The following SLC11A2 variants were observed in gnomAD, a reference collection of about 807,000 sequenced individuals.
SLC11A2 encodes the protein natural resistance-associated macrophage protein 2.
A neutral mutation model predicts 68.0 loss-of-function variants in SLC11A2; 38 were observed. The observed-to-expected ratio is 0.56, with a 90% CI of 0.43 to 0.73. The LOEUF (loss-of-function observed/expected upper bound fraction) is 0.73. Ranked by LOEUF, SLC11A2 falls within the 30% of genes least tolerant of loss-of-function variation. The pLI, the probability that SLC11A2 is intolerant of heterozygous loss-of-function variation, is 0.00. For synonymous variants in SLC11A2, 242 were observed against 250.6 expected (o/e 0.97, Z 0.32); for missense variants, 517 against 690.5 (o/e 0.75, Z 2.82).
Position 50,995,655 on chromosome 12 carries a change from A to G in SLC11A2, c.964T>C (p.Phe322Leu). The change falls in exon 10 of 16, where the codon TTT becomes CTT. Residue 322 changes from phenylalanine (F) to leucine (L), a missense_variant. By Grantham distance (22) the Phe-to-Leu change is conservative (BLOSUM62 0). Transcript: ENST00000262052. Reference sequence around the variant, plus strand: ...ACCTGCTCGTTGGTTTTCCCAAAAAATGCTTCAGCAAAGACTGAGACAACA... The same window carrying G: ...ACCTGCTCGTTGGTTTTCCCAAAAAGTGCTTCAGCAAAGACTGAGACAACA... ...VFVVSVFAEAFFGKTNEQVVE... is the reference protein window; with the variant it reads ...VFVVSVFAEALFGKTNEQVVE... The G allele has an allele frequency of 2.5e-6, 4 of 1,614,204 alleles. No homozygotes were observed. The highest frequency in any genetic ancestry group is 3.4e-6 in the Non-Finnish European group (4 of 1,180,026).
Position 50,986,590 on chromosome 12 carries a change from G to A in SLC11A2, c.*1735C>T, listed in dbSNP as rs1940583768. ...ATAAAGAATTTTTTTTTTGTCGTCA[G>A]TTTGGCCTTTCCTACTGCAGCCAGG... On this transcript the variant is annotated 3_prime_UTR_variant, in exon 16 of 16. Transcript: ENST00000262052. 3.1e-6 allele frequency: 4 copies of A among 1,286,584 alleles called. No homozygotes were observed. Among genetic ancestry groups the A allele is most frequent in the Non-Finnish European group, 4.0e-6 (4 of 988,528 alleles). The allele number at this position is 1,286,584 out of a possible 1,614,324, so 79.7% of individuals were successfully genotyped here.
At chr12:50,999,150 T>C (rs1174900130) in intron 8 of SLC11A2, 24 bp downstream of exon 8, 1 of 1,550,486 alleles carries the variant, frequency 6.4e-7, no homozygotes, top group Non-Finnish European at 8.9e-7. Flanking sequence ...TTTAAGAAGC[T>C]AATGAATATC....
At chr12:51,025,798 C>A in intron 1 of SLC11A2, 1 of 986,576 alleles carries the variant, frequency 1.0e-6, no homozygotes, top group Non-Finnish European at 1.2e-6. Context: ...CGTATGCAGG[C>A]TATTCACACA....
At chr12:50,971,775 A>G in the SLC11A2 span, among the ~76,000 whole-genome samples, 1 of 152,238 alleles carries the variant, frequency 6.6e-6, no homozygotes, top group Non-Finnish European at 1.5e-5. Context: ...CCTTTTCCTC[A>G]GTGTTTCCTG....
At position 51,010,691 on chromosome 12, in the gene SLC11A2, T is replaced by C; in HGVS notation, c.34+4A>G. 1 of 1,526,318 alleles carries C rather than the reference T, an allele frequency of 6.6e-7. No individual in the cohort carries two copies. The highest frequency in any genetic ancestry group is 9.1e-7 in the Non-Finnish European group (1 of 1,098,904). The allele number at this position is 1,526,318 out of a possible 1,614,324, so 94.5% of individuals were successfully genotyped here. A position where few individuals can be genotyped will look rare whatever the true frequency, so the allele number is the denominator to read the frequency against. ...TTAGACAATAACACAAAGCGGTAAA[T>C]TACCATCTGACATCTTCTGTTCAGG... On this transcript the variant is annotated splice_donor_region_variant and intron_variant, in intron 2 of 15. Coordinates refer to ENST00000262052, the MANE Select transcript of SLC11A2 (RefSeq NM_000617.3).
the SLC11A2 span, among the ~76,000 whole-genome samples, chr12:50,972,986 C>G: frequency 3.3e-5 from 5 of 152,194 alleles, no homozygotes; most frequent in Admixed American, 2.0e-4. Context: ...GTAAACAAAG[C>G]GGCTGCAAAG....
rs182747837 is a variant in SLC11A2 at position 50,992,657 on chromosome 12, G to A, written c.1197+153C>T. On this transcript the variant is annotated intron_variant, in intron 12 of 15. Coordinates refer to ENST00000262052, the MANE Select transcript of SLC11A2 (RefSeq NM_000617.3). ...TGAGTCAGGAGAATCACTTGAACCC[G>A]GGAGGTGGAGGTTGCAGTGAGCCGA... Among the ~76,000 whole-genome samples, 116 of 151,246 alleles carry A rather than the reference G, an allele frequency of 7.7e-4. No homozygotes were observed. The East Asian group carries it at 0.017, about 22-fold the overall frequency.
intron 11 of SLC11A2, among the ~76,000 whole-genome samples, chr12:50,993,461 G>A (rs573550019): frequency 6.6e-5 from 10 of 152,180 alleles, no homozygotes; most frequent in Admixed American, 2.0e-4. Flanking sequence ...GGGAGGCCAG[G>A]GTTGGAGAAT....
chr12:50,961,038 G>A, the SLC11A2 span: 1 of 1,613,380 alleles, frequency 6.2e-7, no homozygotes, highest in Admixed American at 1.7e-5. Flanking sequence ...ATCAGAAAAT[G>A]TCAATTCATC....
chr12:50,955,106 A>G, the SLC11A2 span, among the ~76,000 whole-genome samples: 1 of 152,218 alleles, frequency 6.6e-6, no homozygotes, highest in Admixed American at 6.5e-5. Flanking sequence ...AGCCTGGCCA[A>G]TAGGGTGAAA....
At chr12:51,000,587 G>GCAC in intron 5 of SLC11A2, 168 bp from the exon 6 acceptor site, 5 of 649,324 alleles carry the variant, frequency 7.7e-6, no homozygotes, top group Admixed American at 4.7e-5. Flanking sequence ...TCACTGCACT[G>GCAC]TGGCTCTCAC....
At chr12:50,964,755 A>G in the SLC11A2 span, among the ~76,000 whole-genome samples, 2 of 152,248 alleles carry the variant, frequency 1.3e-5, no homozygotes, top group South Asian at 2.1e-4. Flanking sequence ...TTGCTCCAGC[A>G]GCAAAACCAC....
chr12:50,960,927 G>T, the SLC11A2 span: 1 of 1,521,868 alleles, frequency 6.6e-7, no homozygotes, highest in South Asian at 1.3e-5. Flanking sequence ...CGATGCTCCT[G>T]CCTCAGCCTT....
chr12:50,986,986 T>G lies in SLC11A2; in HGVS notation c.*1339A>C, dbSNP rs748388993. 2 of 1,286,622 alleles carry G rather than the reference T, an allele frequency of 1.6e-6. No homozygotes were observed. Among genetic ancestry groups the G allele is most frequent in the South Asian group, 2.5e-5 (2 of 80,882 alleles). 79.7% of individuals were successfully genotyped at this position (1,286,622 alleles called of 1,614,324 possible). A position where few individuals can be genotyped will look rare whatever the true frequency, so the allele number is the denominator to read the frequency against. Reference sequence around the variant, plus strand: ...ATTTTCCATTACTGTTCTCACCAAATCAATGACTATAAAACAGTTTTGATT... The same window carrying G: ...ATTTTCCATTACTGTTCTCACCAAAGCAATGACTATAAAACAGTTTTGATT... On this transcript the variant is annotated 3_prime_UTR_variant, in exon 16 of 16. Transcript: ENST00000262052.
chr12:50,987,575 C>G lies in SLC11A2; in HGVS notation c.*750G>C. On this transcript the variant is annotated 3_prime_UTR_variant, in exon 16 of 16. Coordinates refer to ENST00000262052, the MANE Select transcript of SLC11A2 (RefSeq NM_000617.3). Reference sequence around the variant, plus strand: ...TAAATATCATCAGGAAAGCTCTGTACTAACAGGCAGGTTATTAAGACTCCC... The same window carrying G: ...TAAATATCATCAGGAAAGCTCTGTAGTAACAGGCAGGTTATTAAGACTCCC... 7.8e-7 allele frequency: 1 copy of G among 1,287,168 alleles called. No homozygotes were observed. Among genetic ancestry groups the G allele is most frequent in the Non-Finnish European group, 1.0e-6 (1 of 988,672 alleles). 79.7% of individuals were successfully genotyped at this position (1,287,168 alleles called of 1,614,324 possible). A position where few individuals can be genotyped will look rare whatever the true frequency, so the allele number is the denominator to read the frequency against.
chr12:50,971,095 G>C, the SLC11A2 span, among the ~76,000 whole-genome samples: 1 of 152,104 alleles, frequency 6.6e-6, no homozygotes, highest in Admixed American at 6.6e-5. Context: ...GGCCAGGCTG[G>C]TCTCGAACTC....
At chr12:50,985,990 A>C (rs1940501609), downstream of SLC11A2, 3 of 1,150,232 alleles carry the variant, frequency 2.6e-6, no homozygotes, top group South Asian at 3.7e-5. Context: ...CAGGAAACCA[A>C]ATTGGAAAAA....
the SLC11A2 span, among the ~76,000 whole-genome samples, chr12:50,966,241 A>G: frequency 6.6e-6 from 1 of 152,208 alleles, no homozygotes; most frequent in African/African-American, 2.4e-5. Context: ...TACAGAGAAC[A>G]GTCACCACAG....
intron 8 of SLC11A2, 44 bp from the exon 9 acceptor site, chr12:50,997,016 A>C: frequency 6.7e-7 from 1 of 1,496,626 alleles, no homozygotes; most frequent in Non-Finnish European, 9.3e-7. Flanking sequence ...AGGAACGTGA[A>C]ACGGGAGTAA....
Sources: gnomAD v4.1 joint callset for allele counts (sites outside exome capture counted in the v4.1 genomes callset) on GRCh38, gnomAD v4.1.1 for gene constraint, MANE v1.5 for transcripts, NCBI Gene and HGNC (gene_info 2026-07-23, HGNC 2026-07-21) for gene names.